Variants in CHRM3 observed in about 807,000 individuals in gnomAD.
CHRM3 encodes muscarinic acetylcholine receptor M3.
Under a neutral mutation model 41.8 loss-of-function variants are expected in CHRM3, and 11 were observed. The observed-to-expected ratio is 0.26, with a 90% CI of 0.17 to 0.44. The LOEUF is 0.44. Ranked by LOEUF, CHRM3 falls within the 20% of genes least tolerant of loss-of-function variation. The pLI, the probability that CHRM3 is intolerant of heterozygous loss-of-function variation, is 1.00. For missense variants in CHRM3, 571 were observed against 745.4 expected, an observed-to-expected ratio of 0.77 and a Z score of 2.72; for synonymous variants, 297 against 301.4, an observed-to-expected ratio of 0.99 and a Z score of 0.15.
intron 1 of CHRM3, among the ~76,000 whole-genome samples, chr1:239,421,970 T>C (rs1303449522): frequency 6.6e-6 from 1 of 152,200 alleles, no homozygotes; most frequent in African/African-American, 2.4e-5. Flanking sequence ...GGCTCTCAGA[T>C]GCAATTATGC....
At chr1:239,409,775 T>C (rs1170653751) in intron 1 of CHRM3, among the ~76,000 whole-genome samples, 3 of 152,092 alleles carry the variant, frequency 2.0e-5, no homozygotes, top group Non-Finnish European at 4.4e-5. Flanking sequence ...ACCCCGTCTC[T>C]ACTAAAAATA....
chr1:239,908,822 C>A lies in CHRM3; in HGVS notation c.1371C>A (p.Ser457=). 1 of 1,614,126 alleles carries A rather than the reference C, an allele frequency of 6.2e-7. No homozygotes were observed. Among genetic ancestry groups the A allele is most frequent in the Non-Finnish European group, 8.5e-7 (1 of 1,180,032 alleles). ...VGKSTATLPL[S]FKEATLAKRF... ...AGAGCACGGCCACTCTACCTCTGTC[C>A]TTCAAGGAAGCCACTCTGGCCAAGA... The change falls in exon 7 of 7, where the codon TCC becomes TCA. Residue 457 remains serine, a synonymous_variant. Transcript: ENST00000676153. This position sits in a 1 kb window ranked among gnomAD's most constrained non-coding sequence, Gnocchi z 7.2.
At chr1:239,605,028 C>T (rs1666068769) in intron 3 of CHRM3, among the ~76,000 whole-genome samples, 1 of 152,014 alleles carries the variant, frequency 6.6e-6, no homozygotes, top group Non-Finnish European at 1.5e-5. Flanking sequence ...TGTCAAACTG[C>T]CCCATTTAGT....
At chr1:239,874,749 A>G (rs2149341310) in intron 6 of CHRM3, among the ~76,000 whole-genome samples, 1 of 150,888 alleles carries the variant, frequency 6.6e-6, no homozygotes, top group Middle Eastern at 3.5e-3. Flanking sequence ...CCCAGGCTGG[A>G]GTGCAATGGC....
At position 239,908,934 on chromosome 1, in the gene CHRM3, G is replaced by T. The variant is rs202208046; in HGVS notation, c.1483G>T (p.Ala495Ser). The change falls in exon 7 of 7, where the codon GCG becomes TCG. Residue 495 changes from alanine (A) to serine (S), a missense_variant. By Grantham distance (99) the Ala-to-Ser change is moderately conservative. Coordinates refer to ENST00000676153, the MANE Select transcript of CHRM3 (RefSeq NM_001375978.1). The surrounding 1 kb of genome is among the most constrained non-coding windows in gnomAD (Gnocchi z 7.2). ...GAAGAAAGCGGCCCAGACCCTCAGT[G>T]CGATCTTGCTTGCCTTCATCATCAC... ...KEKKAAQTLS[A>S]ILLAFIITWT... The T allele has an allele frequency of 2.5e-6, 4 of 1,614,116 alleles. No homozygotes were observed. The highest frequency in any genetic ancestry group is 3.4e-6 in the Non-Finnish European group (4 of 1,180,038).
At chr1:239,866,747 T>G (rs1489749537) in intron 6 of CHRM3, among the ~76,000 whole-genome samples, 1 of 152,262 alleles carries the variant, frequency 6.6e-6, no homozygotes, top group Non-Finnish European at 1.5e-5. Flanking sequence ...GGAAATTCAC[T>G]GGACTGGGCA....
At chr1:239,876,776 T>C (rs139750208) in intron 6 of CHRM3, among the ~76,000 whole-genome samples, 2 of 152,314 alleles carry the variant, frequency 1.3e-5, no homozygotes, top group African/African-American at 4.8e-5. Context: ...GTATGCTATA[T>C]ATATGTCTCT....
intron 2 of CHRM3, among the ~76,000 whole-genome samples, chr1:239,510,629 C>T (rs966686052): frequency 1.3e-5 from 2 of 151,920 alleles, no homozygotes; most frequent in Admixed American, 6.6e-5. Flanking sequence ...CTCAGCCTCC[C>T]CAGTTCAAGT....
chr1:239,456,296 C>T (rs1324973684), intron 1 of CHRM3, among the ~76,000 whole-genome samples: 7 of 152,172 alleles, frequency 4.6e-5, no homozygotes, highest in African/African-American at 9.7e-5. Context: ...AAGCTGCGTT[C>T]GAGGTAAATG....
chr1:239,535,488 T>C (rs1658106126), intron 2 of CHRM3, among the ~76,000 whole-genome samples: 1 of 148,650 alleles, frequency 6.7e-6, no homozygotes, highest in African/African-American at 2.5e-5. Context: ...TTTCAGTCCT[T>C]TCTATTTCCC....
rs566804377 is a variant in CHRM3, at chr1:239,720,687, T to C, written c.-147+42399T>C. Among the ~76,000 whole-genome samples, 9 of 152,106 alleles carry C rather than the reference T, an allele frequency of 5.9e-5. No individual in the cohort carries two copies. The South Asian group carries it at 1.4e-3, about 25-fold the overall frequency. On this transcript the variant is annotated intron_variant, in intron 5 of 6. Coordinates refer to ENST00000676153, the MANE Select transcript of CHRM3 (RefSeq NM_001375978.1). The stretch of plus-strand genomic sequence containing the variant: ...CCTGTTAAGTTATTCTCCAGAGTTT[T>C]TATATAAAATGCACGAATAAGCATG...
chr1:239,551,775 A>G (rs1213558676), intron 3 of CHRM3, among the ~76,000 whole-genome samples: 1 of 152,186 alleles, frequency 6.6e-6, no homozygotes, highest in East Asian at 1.9e-4. Context: ...AGATAGAGTT[A>G]TAAGTAGCAC....
chr1:239,560,935 C>T (rs1660798158), intron 3 of CHRM3, among the ~76,000 whole-genome samples: 1 of 152,134 alleles, frequency 6.6e-6, no homozygotes, highest in Non-Finnish European at 1.5e-5. Flanking sequence ...AGGCTTCACT[C>T]CTTCCCCAGA....
chr1:239,565,910 CTTTT>C (rs796838831), intron 3 of CHRM3, among the ~76,000 whole-genome samples: 3 of 117,444 alleles, frequency 2.6e-5, no homozygotes, highest in Non-Finnish European at 3.6e-5. Context: ...CATCTTTTTT[CTTTT>C]TTTTTTTTTT....
chr1:239,817,841 C>G (rs1376331382), intron 5 of CHRM3, among the ~76,000 whole-genome samples: 2 of 152,158 alleles, frequency 1.3e-5, no homozygotes, highest in African/African-American at 4.8e-5. Flanking sequence ...CAGCCCACCC[C>G]TTGTTCACAT....
At chr1:239,660,437 G>T (rs1167898270) in intron 4 of CHRM3, among the ~76,000 whole-genome samples, 2 of 152,018 alleles carry the variant, frequency 1.3e-5, no homozygotes, top group South Asian at 4.1e-4. Context: ...AAGGCTCATT[G>T]TCTAGCTCTT....
At chr1:239,555,615 G>A (rs961214886) in intron 3 of CHRM3, among the ~76,000 whole-genome samples, 2 of 152,142 alleles carry the variant, frequency 1.3e-5, no homozygotes, top group Admixed American at 6.6e-5. Context: ...CAACCCAGAA[G>A]TTACTACCCA....
chr1:239,809,560 T>TGA (rs1341262055), intron 5 of CHRM3, among the ~76,000 whole-genome samples: 1 of 152,020 alleles, frequency 6.6e-6, no homozygotes, highest in African/African-American at 2.4e-5. Flanking sequence ...TGCAGTGACA[T>TGA]GATCACAGCT....
chr1:239,769,379 T>C (rs756268778), intron 5 of CHRM3, among the ~76,000 whole-genome samples: 4 of 152,180 alleles, frequency 2.6e-5, no homozygotes, highest in Non-Finnish European at 5.9e-5. Flanking sequence ...CTAAGAACTT[T>C]AGTATCAAAG....
Sources: gnomAD v4.1 joint callset for allele counts (sites outside exome capture counted in the v4.1 genomes callset) on GRCh38, gnomAD v4.1.1 for gene constraint, Gnocchi (gnomAD v3.1) non-coding constraint, MANE v1.5 for transcripts, NCBI Gene and HGNC (gene_info 2026-07-23, HGNC 2026-07-21) for gene names.